The following CREBL2 variants were observed in gnomAD, a reference collection of about 807,000 sequenced individuals.
CREBL2 encodes cAMP-responsive element-binding protein-like 2.
A neutral mutation model predicts 19.5 loss-of-function variants in CREBL2; 4 were observed. The observed-to-expected ratio is 0.20, with a 90% CI of 0.10 to 0.47. The LOEUF is 0.47. Among genes scored for constraint, CREBL2 ranks in the 20% least tolerant of loss-of-function variants. CREBL2 has a pLI of 0.98. For missense variants in CREBL2, 85 were observed against 145.1 expected (o/e 0.59, Z 2.13); for synonymous variants, 42 against 46.6 (o/e 0.90, Z 0.40).
chr12:12,623,900 G>T (rs903649664), intron 1 of CREBL2, among the ~76,000 whole-genome samples: 1 of 152,202 alleles, frequency 6.6e-6, no homozygotes, highest in Non-Finnish European at 1.5e-5. Context: ...GGACAGATGA[G>T]GAAGCAGCGT....
At chr12:12,628,024 C>T (rs749737811) in intron 1 of CREBL2, among the ~76,000 whole-genome samples, 13 of 152,096 alleles carry the variant, frequency 8.5e-5, no homozygotes, top group South Asian at 2.1e-4. Flanking sequence ...GGCCTACAGG[C>T]GCGCGCCACC....
At chr12:12,632,068 CTTTTTTTTTTTTTTTT>C (rs869253910) in intron 1 of CREBL2, among the ~76,000 whole-genome samples, 1 of 80,598 alleles carries the variant, frequency 1.2e-5, no homozygotes, top group African/African-American at 5.2e-5. Context: ...CTATGCCTTT[CTTTTTTTTTTTTTTTT>C]TTTTTTTTTT....
Position 12,645,063 on chromosome 12 carries a change from A to C in CREBL2, c.*3065A>C, listed in dbSNP as rs1945554585. The C allele has an allele frequency of 6.6e-6, 1 of 152,198 alleles. No individual in the cohort carries two copies. The highest frequency in any genetic ancestry group is 1.5e-5 in the Non-Finnish European group (1 of 68,040). The allele number at this position is 152,198 out of a possible 1,614,324, so 9.4% of individuals were successfully genotyped here. A position where few individuals can be genotyped will look rare whatever the true frequency, so the allele number is the denominator to read the frequency against. Reference sequence around the variant, plus strand: ...GTAGGCTAAATAGGAGTTACAGAAAACTGTTAAATAGGGAAGAACTACATT... The same window carrying C: ...GTAGGCTAAATAGGAGTTACAGAAACCTGTTAAATAGGGAAGAACTACATT... On this transcript the variant is annotated 3_prime_UTR_variant, in exon 4 of 4. Coordinates refer to ENST00000228865, the MANE Select transcript of CREBL2 (RefSeq NM_001310.4).
chr12:12,628,962 C>G (rs1945422691), intron 1 of CREBL2, among the ~76,000 whole-genome samples: 1 of 152,186 alleles, frequency 6.6e-6, no homozygotes, highest in Non-Finnish European at 1.5e-5. Flanking sequence ...ATTCTCTATG[C>G]TTTTCCATTG....
chr12:12,637,553 A>T lies in CREBL2; in HGVS notation c.214-17A>T. The T allele has an allele frequency of 7.6e-6, 10 of 1,316,658 alleles. No homozygotes were observed. Among genetic ancestry groups the T allele is most frequent in the Non-Finnish European group, 9.8e-6 (10 of 1,020,272 alleles). 81.6% of individuals were successfully genotyped at this position (1,316,658 alleles called of 1,614,324 possible). The stretch of plus-strand genomic sequence containing the variant: ...GTTTTAAATTTATATTTATATTTAA[A>T]ATTAAATATGTTTCAGTACAAGCAG... On this transcript the variant is annotated splice_polypyrimidine_tract_variant and intron_variant, in intron 2 of 3. Coordinates refer to ENST00000228865, the MANE Select transcript of CREBL2 (RefSeq NM_001310.4).
intron 1 of CREBL2, among the ~76,000 whole-genome samples, chr12:12,632,100 C>T (rs866826296): frequency 1.0e-4 from 7 of 68,330 alleles, no homozygotes; most frequent in South Asian, 4.8e-4. Flanking sequence ...TTTTTTGAGA[C>T]GGAGTCTCGC....
intron 1 of CREBL2, 32 bp downstream of exon 1, chr12:12,612,219 T>G (rs1206734192): frequency 6.2e-7 from 1 of 1,613,328 alleles, no homozygotes; most frequent in Admixed American, 1.7e-5. Flanking sequence ...CGCCGCCGCC[T>G]TCTTGTCGCT....
At position 12,619,192 on chromosome 12, in the gene CREBL2, A is replaced by G. The variant is rs116947451; in HGVS notation, c.15+7005A>G. Among the ~76,000 whole-genome samples the G allele has an allele frequency of 9.8e-4, 149 of 152,326 alleles. 4 individuals carry two copies. The East Asian group carries it at 0.023, about 23-fold the overall frequency. ...CTCCAGACTATGCTCCAGATGGGAC[A>G]GGGGCAGTGGGGTGGGACATAAAAT... On this transcript the variant is annotated intron_variant, in intron 1 of 3. Coordinates refer to ENST00000228865, the MANE Select transcript of CREBL2 (RefSeq NM_001310.4).
At chr12:12,631,851 A>T (rs1945444409) in intron 1 of CREBL2, among the ~76,000 whole-genome samples, 1 of 152,070 alleles carries the variant, frequency 6.6e-6, no homozygotes, top group East Asian at 1.9e-4. Context: ...TTTATAAAGT[A>T]GTCTCATATA....
At chr12:12,615,814 T>C (rs1945307530) in intron 1 of CREBL2, 1 of 152,288 alleles carries the variant, frequency 6.6e-6, no homozygotes, top group Admixed American at 6.5e-5. Flanking sequence ...TTCTTGTAGG[T>C]TTCCATGTAT....
intron 1 of CREBL2, among the ~76,000 whole-genome samples, chr12:12,621,330 C>T (rs147570680): frequency 9.9e-4 from 151 of 152,214 alleles, no homozygotes; most frequent in African/African-American, 3.4e-3. Flanking sequence ...ACCAGCCTGA[C>T]TAACATAGAG....
At chr12:12,629,296 G>A (rs1304835230) in intron 1 of CREBL2, among the ~76,000 whole-genome samples, 1 of 152,068 alleles carries the variant, frequency 6.6e-6, no homozygotes, top group African/African-American at 2.4e-5. Flanking sequence ...TTCTTTTAAT[G>A]ATATTTTGTG....
intron 1 of CREBL2, 55 bp downstream of exon 1, chr12:12,612,242 C>A: frequency 6.2e-7 from 1 of 1,612,630 alleles, no homozygotes; most frequent in Admixed American, 1.7e-5. Flanking sequence ...ATGCTAGTCC[C>A]GCGGCTGAAC....
intron 1 of CREBL2, among the ~76,000 whole-genome samples, chr12:12,628,087 G>A (rs1945416512): frequency 6.6e-6 from 1 of 151,924 alleles, no homozygotes; most frequent in Non-Finnish European, 1.5e-5. Flanking sequence ...TCACTATGTT[G>A]GCCAGGATGG....
intron 1 of CREBL2, among the ~76,000 whole-genome samples, chr12:12,618,000 T>C (rs566670116): frequency 6.3e-4 from 96 of 152,212 alleles, no homozygotes; most frequent in Non-Finnish European, 8.8e-4. Flanking sequence ...GGTTACAGAT[T>C]AACAGCATCC....
At chr12:12,637,438 C>T (rs1363834839) in intron 2 of CREBL2, 132 bp from the exon 3 acceptor site, 5 of 430,490 alleles carry the variant, frequency 1.2e-5, no homozygotes, top group Admixed American at 4.8e-5. Flanking sequence ...TTCCCAGCAG[C>T]GAACGTGACC....
chr12:12,612,969 T>G (rs563979045), intron 1 of CREBL2, among the ~76,000 whole-genome samples: 2 of 152,270 alleles, frequency 1.3e-5, no homozygotes, highest in South Asian at 4.1e-4. Context: ...CCTCCCGGGT[T>G]CAAGCGATTC....
At position 12,624,131 on chromosome 12, in the gene CREBL2, G is replaced by A. The variant is rs118041614; in HGVS notation, c.16-11646G>A. ...TTGTTACAGCAGCCCCAAGAAATGA[G>A]TATACTGGATATGGTGACTTAGTAA... On this transcript the variant is annotated intron_variant, in intron 1 of 3. Transcript: ENST00000228865. Among the ~76,000 whole-genome samples the A allele has an allele frequency of 9.8e-4, 149 of 152,306 alleles. 4 individuals carry two copies. In the East Asian group the frequency reaches 0.023, roughly 23 times the overall value.
chr12:12,641,250 A>ATTTTTTTTTTTTTTTTTTTTTTTT (rs1248375488), intron 3 of CREBL2, among the ~76,000 whole-genome samples: 9 of 58,018 alleles, frequency 1.6e-4, no homozygotes, highest in Non-Finnish European at 2.1e-4. Context: ...TATTATTATT[A>ATTTTTTTTTTTTTTTTTTTTTTTT]TTATTTTTTT....
Sources: allele counts gnomAD v4.1 joint callset (sites outside exome capture counted in the v4.1 genomes callset), GRCh38; gene constraint gnomAD v4.1.1; transcripts MANE v1.5; gene names NCBI Gene and HGNC (gene_info 2026-07-23, HGNC 2026-07-21).